The following BLK variants were observed in gnomAD, a reference collection of about 807,000 sequenced individuals.
BLK encodes tyrosine-protein kinase Blk.
BLK carries 64 observed loss-of-function variants against 61.8 expected under a neutral mutation model. That is an observed-to-expected ratio of 1.03 (90% CI 0.85 to 1.27). BLK has a LOEUF of 1.27. Among genes scored for constraint, BLK ranks in the 50% most tolerant of loss-of-function variants. The probability of loss-of-function intolerance (pLI) is 0.00; values close to 1 mark genes in which losing one functional copy is unlikely to be tolerated. For synonymous variants in BLK, 351 were observed against 272.0 expected, an observed-to-expected ratio of 1.29 and a Z score of -2.86; for missense variants, 853 against 660.5, an observed-to-expected ratio of 1.29 and a Z score of -3.19.
chr8:11,504,075 G>C (rs535054210), intron 1 of BLK, among the ~76,000 whole-genome samples: 10 of 152,280 alleles, frequency 6.6e-5, no homozygotes, highest in African/African-American at 2.4e-4. Context: ...TGTAATCTCA[G>C]TACTTTGGGA....
At chr8:11,500,471 C>T (rs141138432) in intron 1 of BLK, among the ~76,000 whole-genome samples, 5 of 152,188 alleles carry the variant, frequency 3.3e-5, no homozygotes, top group Admixed American at 6.5e-5. Context: ...GTTGGGATTA[C>T]AAGCATAAAC....
At chr8:11,540,885 T>C (rs953074967) in intron 1 of BLK, among the ~76,000 whole-genome samples, 9 of 149,634 alleles carry the variant, frequency 6.0e-5, no homozygotes, top group African/African-American at 2.2e-4. Context: ...AGCTCCTCAA[T>C]ATCTGTTACA....
chr8:11,553,716 G>C lies in BLK; in HGVS notation c.473-1027G>C, dbSNP rs542411671. 9 of 161,420 alleles carry C rather than the reference G, an allele frequency of 5.6e-5. No homozygotes were observed. The South Asian group carries it at 1.4e-3, about 24-fold the overall frequency. The allele number at this position is 161,420 out of a possible 1,614,324, so 10.0% of individuals were successfully genotyped here. A position where few individuals can be genotyped will look rare whatever the true frequency, so the allele number is the denominator to read the frequency against. ...GCAGCCTCTGGGCTGAGGCTGGGGTGGGGGTGTGGAGGGGCTGTGGCAACA... is the reference window on the plus strand; with the variant it reads ...GCAGCCTCTGGGCTGAGGCTGGGGTCGGGGTGTGGAGGGGCTGTGGCAACA... On this transcript the variant is annotated intron_variant, in intron 6 of 12. Transcript: ENST00000259089.
chr8:11,551,070 G>A (rs1800876535), intron 6 of BLK, among the ~76,000 whole-genome samples: 1 of 152,022 alleles, frequency 6.6e-6, no homozygotes, highest in East Asian at 1.9e-4. Flanking sequence ...ATCCTTCCTT[G>A]CTCTTCTCTG....
chr8:11,560,015 T>C (rs1801417235), intron 10 of BLK: 2 of 360,072 alleles, frequency 5.6e-6, no homozygotes, highest in African/African-American at 2.1e-5. Context: ...GAACGAGTAC[T>C]GTTAGATGCT....
At chr8:11,542,728 T>C (rs1800440315) in intron 1 of BLK, among the ~76,000 whole-genome samples, 1 of 152,154 alleles carries the variant, frequency 6.6e-6, no homozygotes, top group African/African-American at 2.4e-5. Flanking sequence ...GTATATAGTG[T>C]CTCACCCAAA....
At chr8:11,505,522 C>G (rs1299881935) in intron 1 of BLK, among the ~76,000 whole-genome samples, 7 of 152,158 alleles carry the variant, frequency 4.6e-5, no homozygotes, top group Admixed American at 3.3e-4. Flanking sequence ...CACTTGTTCT[C>G]TCCTTTCTCC....
intron 1 of BLK, among the ~76,000 whole-genome samples, chr8:11,512,864 A>C (rs1302609469): frequency 6.6e-6 from 1 of 152,062 alleles, no homozygotes; most frequent in Non-Finnish European, 1.5e-5. Flanking sequence ...ATGGGGTTTC[A>C]CTGTGTTGGC....
chr8:11,502,787 C>G (rs1306976411), intron 1 of BLK, among the ~76,000 whole-genome samples: 1 of 152,160 alleles, frequency 6.6e-6, no homozygotes, highest in Admixed American at 6.5e-5. Context: ...TGGAGAATAA[C>G]TTGCCTCCTG....
At chr8:11,500,934 C>T (rs140501469) in intron 1 of BLK, among the ~76,000 whole-genome samples, 5,074 of 152,056 alleles carry the variant, frequency 0.033, 247 homozygotes, top group African/African-American at 0.11. Context: ...TTTGGCCAGG[C>T]GTGGTGGCTC....
At chr8:11,511,046 G>C (rs1442224105) in intron 1 of BLK, among the ~76,000 whole-genome samples, 1 of 152,296 alleles carries the variant, frequency 6.6e-6, no homozygotes, top group South Asian at 2.1e-4. Flanking sequence ...TTAGTTAATT[G>C]TTCTTTCCTG....
chr8:11,561,212 C>T, intron 10 of BLK, 90 bp from the exon 11 acceptor site: 1 of 1,524,948 alleles, frequency 6.6e-7, no homozygotes, highest in Non-Finnish European at 8.9e-7. Flanking sequence ...TCCCCAGCAG[C>T]CCACAGGGGC....
intron 1 of BLK, among the ~76,000 whole-genome samples, chr8:11,520,161 C>G (rs1799383302): frequency 6.6e-6 from 1 of 152,188 alleles, no homozygotes; most frequent in East Asian, 1.9e-4. Flanking sequence ...GCTCATTCCA[C>G]TGTGAAAAGA....
At chr8:11,539,838 G>A (rs1800296947) in intron 1 of BLK, among the ~76,000 whole-genome samples, 1 of 152,140 alleles carries the variant, frequency 6.6e-6, no homozygotes, top group Non-Finnish European at 1.5e-5. Flanking sequence ...TTGGGTTTGT[G>A]TTGCACTAAC....
At chr8:11,559,468 AAC>A (rs758473167) in intron 10 of BLK, among the ~76,000 whole-genome samples, 43 of 151,282 alleles carry the variant, frequency 2.8e-4, no homozygotes, top group Non-Finnish European at 4.1e-4. Context: ...CTCAGACTCA[AAC>A]ACAAACTCAC....
chr8:11,555,281 A>C (rs1363073498), intron 7 of BLK, 51 bp from the exon 8 acceptor site: 4 of 1,612,412 alleles, frequency 2.5e-6, no homozygotes, highest in Non-Finnish European at 3.4e-6. Context: ...CCCAAGGTAG[A>C]GCCTGGCTGC....
intron 1 of BLK, among the ~76,000 whole-genome samples, chr8:11,513,651 C>G (rs1799110151): frequency 6.6e-6 from 1 of 152,216 alleles, no homozygotes; most frequent in Non-Finnish European, 1.5e-5. Flanking sequence ...AAGATTGCAC[C>G]TTGGGCTGCA....
Position 11,543,282 on chromosome 8 carries a change from A to G in BLK, c.58A>G (p.Lys20Glu), listed in dbSNP as rs1243978800. Residue 20 changes from lysine (K) to glutamate (E), a missense_variant, in exon 2 of 13, where the codon AAG (lysine) becomes GAG (glutamate). Coordinates refer to ENST00000259089, the MANE Select transcript of BLK (RefSeq NM_001715.3). The part of the protein sequence containing the change: ...DKEKPIKEKD[K>E]GQWSPLKVSA... Reference sequence around the variant, plus strand: ...GGAAAAGCCGATCAAAGAGAAGGACAAGGGCCAATGGAGCCCCCTGAAGGT... The same window carrying G: ...GGAAAAGCCGATCAAAGAGAAGGACGAGGGCCAATGGAGCCCCCTGAAGGT... 2 of 1,613,956 alleles carry G rather than the reference A, an allele frequency of 1.2e-6. No individual in the cohort carries two copies. Among genetic ancestry groups the G allele is most frequent in the Non-Finnish European group, 1.7e-6 (2 of 1,180,046 alleles).
intron 1 of BLK, among the ~76,000 whole-genome samples, chr8:11,537,659 A>G (rs142377916): frequency 3.9e-5 from 6 of 152,252 alleles, no homozygotes; most frequent in African/African-American, 1.4e-4. Flanking sequence ...TGACCTTACC[A>G]AGCCACCTCG....
Sources: gnomAD v4.1 joint callset for allele counts (sites outside exome capture counted in the v4.1 genomes callset) on GRCh38, gnomAD v4.1.1 for gene constraint, MANE v1.5 for transcripts, NCBI Gene and HGNC (gene_info 2026-07-23, HGNC 2026-07-21) for gene names.